Variants in MCTP1 observed in about 807,000 individuals in gnomAD.
The protein encoded by MCTP1 is multiple C2 and transmembrane domain containing 1.
A neutral mutation model predicts 120.6 loss-of-function variants in MCTP1; 69 were observed. The ratio of observed to expected loss-of-function variants is 0.57; its 90% confidence interval spans 0.47 to 0.70. The LOEUF (loss-of-function observed/expected upper bound fraction) is 0.70, where lower values mean the gene tolerates loss of function less well. Among genes scored for constraint, MCTP1 ranks in the 30% least tolerant of loss-of-function variants. The pLI is 0.00. For synonymous variants in MCTP1, 529 were observed against 493.1 expected (o/e 1.07, Z -0.96); for missense variants, 1,203 against 1,248.8 (o/e 0.96, Z 0.55).
intron 19 of MCTP1, among the ~76,000 whole-genome samples, chr5:94,761,964 C>A (rs1448694466): frequency 2.0e-5 from 3 of 152,208 alleles, no homozygotes; most frequent in African/African-American, 7.2e-5. Flanking sequence ...GCAACAACTG[C>A]CAGACCAAGC....
At position 95,284,042 on chromosome 5, in the gene MCTP1, G is replaced by A. The variant is rs537246814; in HGVS notation, c.534C>T (p.Arg178=). The A allele has an allele frequency of 3.9e-6, 6 of 1,520,772 alleles. No individual in the cohort carries two copies. The highest frequency in any genetic ancestry group is 2.8e-5 in the African/African-American group (2 of 70,466). The allele number at this position is 1,520,772 out of a possible 1,614,324, so 94.2% of individuals were successfully genotyped here. A position where few individuals can be genotyped will look rare whatever the true frequency, so the allele number is the denominator to read the frequency against. Residue 178 remains arginine, a synonymous_variant, in exon 1 of 23, where the codon CGC becomes CGT. Coordinates refer to ENST00000515393, the MANE Select transcript of MCTP1 (RefSeq NM_024717.7). The surrounding 1 kb of genome is among the most constrained non-coding windows in gnomAD (Gnocchi z 5.2). ...SSPQPPPRGD[R]ARDEGARRQG... ...GACGCCGTGCACCCTCATCTCGGGC[G>A]CGGTCCCCCCTCGGGGGAGGCTGGG...
intron 1 of MCTP1, among the ~76,000 whole-genome samples, chr5:95,159,210 C>T (rs1745456162): frequency 6.6e-6 from 1 of 152,172 alleles, no homozygotes; most frequent in Non-Finnish European, 1.5e-5. Context: ...ACCACAATAT[C>T]ATGTCTCCAG....
intron 2 of MCTP1, among the ~76,000 whole-genome samples, chr5:94,971,930 C>A (rs1332527511): frequency 6.6e-6 from 1 of 152,118 alleles, no homozygotes; most frequent in Admixed American, 6.6e-5. Flanking sequence ...CAAACCTAGC[C>A]CACCAGTTCA....
intron 1 of MCTP1, among the ~76,000 whole-genome samples, chr5:95,148,367 A>C (rs1377647723): frequency 2.6e-5 from 4 of 152,132 alleles, no homozygotes; most frequent in African/African-American, 9.7e-5. Flanking sequence ...CTCTTTATAA[A>C]ATTCCATATT....
chr5:94,775,390 T>C (rs1489108910), intron 19 of MCTP1, among the ~76,000 whole-genome samples: 1 of 152,210 alleles, frequency 6.6e-6, no homozygotes, highest in African/African-American at 2.4e-5. Flanking sequence ...ATGTCTAGAT[T>C]ATGCAGACTG....
At chr5:94,922,774 C>A (rs1812007083) in intron 7 of MCTP1, among the ~76,000 whole-genome samples, 1 of 152,262 alleles carries the variant, frequency 6.6e-6, no homozygotes, top group Non-Finnish European at 1.5e-5. Context: ...AGGCGTGAGC[C>A]ACCAGGCCCG....
At chr5:95,112,570 A>C (rs1757542307) in intron 1 of MCTP1, among the ~76,000 whole-genome samples, 1 of 152,204 alleles carries the variant, frequency 6.6e-6, no homozygotes. Flanking sequence ...TACTTCTAAT[A>C]ATCATTTATT....
intron 1 of MCTP1, among the ~76,000 whole-genome samples, chr5:95,027,700 G>A (rs1449945279): frequency 2.6e-5 from 4 of 152,176 alleles, no homozygotes; most frequent in African/African-American, 4.8e-5. Flanking sequence ...CCTGAAGTAC[G>A]TCTGGGAGCT....
intron 1 of MCTP1, among the ~76,000 whole-genome samples, chr5:95,080,445 G>A (rs892082908): frequency 6.6e-6 from 1 of 152,140 alleles, no homozygotes. Flanking sequence ...ATGATAGTAA[G>A]TCAATTAAGA....
intron 1 of MCTP1, among the ~76,000 whole-genome samples, chr5:95,160,261 C>G (rs1745573407): frequency 6.6e-6 from 1 of 152,074 alleles, no homozygotes; most frequent in East Asian, 1.9e-4. Context: ...AACAAAAATA[C>G]TGGTGTTAGG....
chr5:94,784,311 C>T (rs1302640589), intron 18 of MCTP1, among the ~76,000 whole-genome samples: 5 of 151,828 alleles, frequency 3.3e-5, no homozygotes, highest in Non-Finnish European at 5.9e-5. Context: ...CATTTATGTG[C>T]CAATTGGTTT....
Position 95,011,042 on chromosome 5 carries a change from C to T in MCTP1, c.838+6325G>A, listed in dbSNP as rs372447300. On this transcript the variant is annotated intron_variant, in intron 2 of 22. Coordinates refer to ENST00000515393, the MANE Select transcript of MCTP1 (RefSeq NM_024717.7). ...TTTCAGTGCATCCTGTCAGGGAGTT[C>T]GTGATGTCTGCATGTCTTCTCAGTT... 9.2e-5 allele frequency among the ~76,000 whole-genome samples: 14 copies of T among 152,192 alleles called. 1 individual carries two copies. The highest frequency in any genetic ancestry group is 5.2e-4 in the Admixed American group (8 of 15,282).
chr5:94,926,869 A>G (rs1011696168), intron 6 of MCTP1, among the ~76,000 whole-genome samples: 9 of 152,140 alleles, frequency 5.9e-5, no homozygotes, highest in African/African-American at 1.9e-4. Flanking sequence ...ACCACACAAT[A>G]AACATCCTAG....
chr5:95,138,594 T>A (rs1406884802), intron 1 of MCTP1, among the ~76,000 whole-genome samples: 1 of 152,160 alleles, frequency 6.6e-6, no homozygotes, highest in Non-Finnish European at 1.5e-5. Flanking sequence ...TGGAAGGGCC[T>A]CTGAAGAGTC....
At position 94,948,080 on chromosome 5, in the gene MCTP1, C is replaced by T. The variant is rs558085943; in HGVS notation, c.981+5139G>A. On this transcript the variant is annotated intron_variant, in intron 3 of 22. Coordinates refer to ENST00000515393, the MANE Select transcript of MCTP1 (RefSeq NM_024717.7). ...TCACATTGTAAAAGAATAGTTAAAG[C>T]CAAAAAGTCATAGAAGTGACATTGT... Among the ~76,000 whole-genome samples the T allele has an allele frequency of 2.6e-5, 4 of 152,096 alleles. No homozygotes were observed. The South Asian group carries it at 8.3e-4, about 32-fold the overall frequency.
chr5:95,276,515 C>T (rs1394635564), intron 1 of MCTP1, among the ~76,000 whole-genome samples: 1 of 150,984 alleles, frequency 6.6e-6, no homozygotes, highest in African/African-American at 2.4e-5. Flanking sequence ...CCTCGGCCTC[C>T]CAAAGTGCTG....
intron 1 of MCTP1, among the ~76,000 whole-genome samples, chr5:95,020,069 G>A (rs769226697): frequency 7.9e-5 from 12 of 151,800 alleles, no homozygotes; most frequent in African/African-American, 2.7e-4. Context: ...TTTCTACTTC[G>A]TAAAAAATGG....
intron 17 of MCTP1, among the ~76,000 whole-genome samples, chr5:94,837,748 G>A (rs113148154): frequency 0.028 from 4,249 of 152,252 alleles, 130 homozygotes; most frequent in African/African-American, 0.075. Context: ...GGGTGGAGAT[G>A]AGAGACGGGG....
chr5:94,894,959 A>T (rs1420999010), intron 10 of MCTP1, 124 bp from the exon 11 acceptor site: 2 of 596,218 alleles, frequency 3.4e-6, no homozygotes, highest in African/African-American at 3.7e-5. Flanking sequence ...GGAAGAATAC[A>T]TCTTTCAAGT....
Sources: gnomAD v4.1 joint callset for allele counts (sites outside exome capture counted in the v4.1 genomes callset) on GRCh38, gnomAD v4.1.1 for gene constraint, Gnocchi (gnomAD v3.1) non-coding constraint, MANE v1.5 for transcripts, NCBI Gene and HGNC (gene_info 2026-07-23, HGNC 2026-07-21) for gene names.